Variants in STAT3 observed in about 807,000 individuals in gnomAD.
STAT3 encodes DNA-binding protein APRF.
Under a neutral mutation model 114.3 loss-of-function variants are expected in STAT3, and 7 were observed. That is an observed-to-expected ratio of 0.06 (90% CI 0.03 to 0.11). The LOEUF is 0.11. STAT3 is among the 10% of genes least tolerant of loss of function. STAT3 has a pLI of 1.00. For missense variants in STAT3, 364 were observed against 960.9 expected, an observed-to-expected ratio of 0.38 and a Z score of 8.21; for synonymous variants, 331 against 354.5, an observed-to-expected ratio of 0.93 and a Z score of 0.74.
intron 1 of STAT3, among the ~76,000 whole-genome samples, chr17:42,373,833 C>A (rs556881244): frequency 1.2e-4 from 18 of 148,504 alleles, no homozygotes; most frequent in African/African-American, 4.5e-4. Context: ...TGCAGTGAGC[C>A]GAGATCGCGC....
chr17:42,346,532 G>A, intron 3 of STAT3, 37 bp downstream of exon 3: 3 of 1,613,900 alleles, frequency 1.9e-6, no homozygotes, highest in Non-Finnish European at 2.5e-6. Flanking sequence ...CGACTCTGCG[G>A]GTCCTGTTTC....
rs541226638 is a variant in STAT3, at chr17:42,338,561, G to T, written c.550+170C>A. On this transcript the variant is annotated intron_variant, in intron 6 of 23. Coordinates refer to ENST00000264657, the MANE Select transcript of STAT3 (RefSeq NM_139276.3). ...CTCCTGGACCTGAGGGAATACTCCT[G>T]GACCTGAGGGAATACTCCTGTCCTT... 1.0e-3 allele frequency among the ~76,000 whole-genome samples: 148 copies of T among 147,056 alleles called. 2 individuals are homozygous for T. The highest frequency in any genetic ancestry group is 3.6e-3 in the African/African-American group (137 of 38,202).
chr17:42,343,858 C>A (rs986283201), intron 4 of STAT3, among the ~76,000 whole-genome samples: 6 of 152,072 alleles, frequency 3.9e-5, no homozygotes, highest in Admixed American at 3.9e-4. Flanking sequence ...CCTTTCTAAA[C>A]CTTGCTAGTT....
Position 42,337,311 on chromosome 17 carries a change from C to T in STAT3, c.797+124G>A. On this transcript the variant is annotated intron_variant, in intron 8 of 23. Coordinates refer to ENST00000264657, the MANE Select transcript of STAT3 (RefSeq NM_139276.3). This position sits in a 1 kb window ranked among gnomAD's most constrained non-coding sequence, Gnocchi z 4.0. ...TAAAGTAAAAACTTTAATTCTTGGGCTAAATTTGAATATGGAAAAGTCCCC... is the reference window on the plus strand; with the variant it reads ...TAAAGTAAAAACTTTAATTCTTGGGTTAAATTTGAATATGGAAAAGTCCCC... The T allele has an allele frequency of 2.1e-6, 3 of 1,403,964 alleles. No individual in the cohort carries two copies. Among genetic ancestry groups the T allele is most frequent in the Non-Finnish European group, 1.9e-6 (2 of 1,046,704 alleles). The allele number at this position is 1,403,964 out of a possible 1,614,324, so 87.0% of individuals were successfully genotyped here.
intron 1 of STAT3, among the ~76,000 whole-genome samples, chr17:42,375,551 G>C (rs576051229): frequency 6.6e-6 from 1 of 152,024 alleles, no homozygotes. Flanking sequence ...TAAGCAAACC[G>C]GGTCAGGTGG....
intron 1 of STAT3, among the ~76,000 whole-genome samples, chr17:42,373,675 G>T (rs1004050070): frequency 3.3e-5 from 5 of 152,078 alleles, no homozygotes; most frequent in Admixed American, 2.6e-4. Flanking sequence ...GGATCACGAG[G>T]TCAGGAGATC....
At chr17:42,370,280 C>G (rs974186936) in intron 1 of STAT3, among the ~76,000 whole-genome samples, 5 of 149,278 alleles carry the variant, frequency 3.3e-5, no homozygotes, top group African/African-American at 9.9e-5. Flanking sequence ...GAGTCTTGCT[C>G]TGTCGTCCAG....
chr17:42,380,807 G>A (rs920957537), intron 1 of STAT3, among the ~76,000 whole-genome samples: 9 of 152,168 alleles, frequency 5.9e-5, no homozygotes, highest in South Asian at 2.1e-4. Context: ...CAGCTACCCC[G>A]AAGGCTGAGG....
intron 1 of STAT3, among the ~76,000 whole-genome samples, chr17:42,370,750 G>A (rs1161291663): frequency 6.7e-6 from 1 of 150,022 alleles, no homozygotes; most frequent in Non-Finnish European, 1.5e-5. Flanking sequence ...CTACAGGTGT[G>A]CACCACAACA....
At chr17:42,373,960 A>G (rs557932582) in intron 1 of STAT3, 2 of 152,340 alleles carry the variant, frequency 1.3e-5, no homozygotes, top group East Asian at 3.9e-4. Context: ...TAAAGTTTAA[A>G]TAATAGTCAA....
intron 12 of STAT3, 33 bp downstream of exon 12, chr17:42,329,714 C>T (rs369776840): frequency 9.9e-6 from 16 of 1,614,046 alleles, no homozygotes; most frequent in Admixed American, 6.7e-5. Context: ...TTAGGTTAAA[C>T]GGAACAAAAG....
chr17:42,348,289 A>G (rs2082786302), intron 2 of STAT3, 100 bp downstream of exon 2: 3 of 1,540,602 alleles, frequency 1.9e-6, no homozygotes, highest in African/African-American at 2.7e-5. Flanking sequence ...CTGTACCCAT[A>G]CATTTTTTAA....
rs199855499 is a variant in STAT3 at position 42,324,714 on chromosome 17, A to G, written c.1597T>C (p.Leu533=). The G allele has an allele frequency of 8.7e-6, 14 of 1,613,056 alleles. No individual in the cohort carries two copies. Among genetic ancestry groups the G allele is most frequent in the Admixed American group, 3.3e-5 (2 of 59,826 alleles). Residue 533 remains leucine (L), a synonymous_variant, in exon 17 of 24, where the codon TTG becomes CTG. Transcript: ENST00000264657. This position sits in a 1 kb window ranked among gnomAD's most constrained non-coding sequence, Gnocchi z 4.5. ...GGAGAAGGGGTGAAATGCGGACCCA[A>G]GAGTTTCTCTGCCAGTGTAGTCAGC... ...EQLTTLAEKL[L]GPGVNYSGCQ... is the part of the protein sequence containing the mutation.
At chr17:42,317,843 A>T (rs1356725480) in intron 21 of STAT3, among the ~76,000 whole-genome samples, 3 of 152,218 alleles carry the variant, frequency 2.0e-5, no homozygotes, top group Non-Finnish European at 4.4e-5. Flanking sequence ...AGAGAATGTG[A>T]CTTTGTAAGG....
At chr17:42,344,938 T>A (rs113947755) in intron 4 of STAT3, among the ~76,000 whole-genome samples, 6 of 152,026 alleles carry the variant, frequency 3.9e-5, no homozygotes, top group African/African-American at 1.4e-4. Context: ...TTGGAAAAGT[T>A]TGAATGATAT....
chr17:42,322,402 C>A lies in STAT3; in HGVS notation c.1981G>T (p.Asp661Tyr), dbSNP rs747639500. Residue 661 changes from aspartate (D) to tyrosine (Y), a missense_variant, in exon 21 of 24, where the codon GAT becomes TAT. Around this residue, in one of 5 missense-constraint regions of STAT3, gnomAD observed 11 missense variants for 85.2 expected, o/e 0.13. Transcript: ENST00000264657. ...GGAGACACCAGGATATTGGTAGCATCCATGATCTTATAGCCCATGATGATT... is the reference window on the plus strand; with the variant it reads ...GGAGACACCAGGATATTGGTAGCATACATGATCTTATAGCCCATGATGATT... ...AEIIMGYKIM[D>Y]ATNILVSPLV... 2.5e-6 allele frequency: 4 copies of A among 1,614,046 alleles called. No homozygotes were observed. The highest frequency in any genetic ancestry group is 3.4e-6 in the Non-Finnish European group (4 of 1,179,998).
At chr17:42,372,426 CAT>C (rs1280385682) in intron 1 of STAT3, among the ~76,000 whole-genome samples, 1 of 152,062 alleles carries the variant, frequency 6.6e-6, no homozygotes, top group African/African-American at 2.4e-5. Context: ...ACCTGAAATG[CAT>C]ATCATTTACT....
chr17:42,345,325 C>T (rs929314737), intron 4 of STAT3: 23 of 509,738 alleles, frequency 4.5e-5, no homozygotes, highest in African/African-American at 4.1e-4. Context: ...ACTTTTAAAC[C>T]ATTGGGTCTG....
chr17:42,319,541 C>CAAAAAAAA, intron 21 of STAT3, among the ~76,000 whole-genome samples: 1 of 43,854 alleles, frequency 2.3e-5, no homozygotes, highest in Non-Finnish European at 3.8e-5. Context: ...GACTCAGGCT[C>CAAAAAAAA]AAAAAAAAAA....
Sources: allele counts gnomAD v4.1 joint callset (sites outside exome capture counted in the v4.1 genomes callset), GRCh38; gene constraint gnomAD v4.1.1; regional missense constraint gnomAD v4.1.1; non-coding constraint Gnocchi (gnomAD v3.1); transcripts MANE v1.5; gene names NCBI Gene and HGNC (gene_info 2026-07-23, HGNC 2026-07-21).